Variants in ARHGEF3 observed in about 807,000 individuals in gnomAD.
ARHGEF3 encodes the protein 59.8 kDA protein.
In ARHGEF3, 28 loss-of-function variants were observed where a neutral mutation model predicts 63.2. The ratio of observed to expected loss-of-function variants is 0.44; its 90% CI spans 0.33 to 0.61. The LOEUF (loss-of-function observed/expected upper bound fraction) is 0.61, where lower values mean the gene tolerates loss of function less well. ARHGEF3 is among the 20% of genes least tolerant of loss of function. ARHGEF3 has a pLI of 0.03. For missense variants in ARHGEF3, 533 were observed against 659.3 expected (o/e 0.81, Z 2.10); for synonymous variants, 266 against 254.2 (o/e 1.05, Z -0.44).
intron 1 of ARHGEF3, among the ~76,000 whole-genome samples, chr3:56,798,483 C>G (rs1233935727): frequency 2.6e-5 from 4 of 151,414 alleles, no homozygotes; most frequent in Admixed American, 6.6e-5. Context: ...AAGGCTCTAG[C>G]TTCCTTAGCC....
At chr3:56,804,356 T>G (rs1046296752), upstream of ARHGEF3, among the ~76,000 whole-genome samples, 1 of 152,220 alleles carries the variant, frequency 6.6e-6, no homozygotes, top group Non-Finnish European at 1.5e-5. Flanking sequence ...CAGTCCCTGT[T>G]TGCGTGCTCT....
chr3:56,775,676 T>C (rs2036249176), intron 1 of ARHGEF3: 2 of 985,718 alleles, frequency 2.0e-6, no homozygotes, highest in Admixed American at 1.2e-4. Context: ...ACAATGCCCT[T>C]CAGGATGCTC....
intron 1 of ARHGEF3, among the ~76,000 whole-genome samples, chr3:57,062,063 G>T (rs1705250221): frequency 6.6e-6 from 1 of 152,120 alleles, no homozygotes; most frequent in Non-Finnish European, 1.5e-5. Context: ...GTGGGGCAGG[G>T]ATGCTCCACT....
chr3:56,987,167 G>A (rs1434049230), intron 2 of ARHGEF3, among the ~76,000 whole-genome samples: 3 of 152,172 alleles, frequency 2.0e-5, no homozygotes, highest in Non-Finnish European at 2.9e-5. Flanking sequence ...AGCTGTGATC[G>A]TCCCACTATA....
chr3:57,017,032 T>TCTCTCTCA (rs1221332567), intron 2 of ARHGEF3, among the ~76,000 whole-genome samples: 78 of 104,382 alleles, frequency 7.5e-4, no homozygotes, highest in East Asian at 7.2e-3. Flanking sequence ...TCTCTCTCTC[T>TCTCTCTCA]CACACACACA....
chr3:57,065,534 G>A (rs1005458181), intron 1 of ARHGEF3, among the ~76,000 whole-genome samples: 1 of 152,174 alleles, frequency 6.6e-6, no homozygotes, highest in Non-Finnish European at 1.5e-5. Flanking sequence ...GGAACTAGTG[G>A]TGATATCTGC....
chr3:57,067,795 C>T (rs1273070128), intron 1 of ARHGEF3, among the ~76,000 whole-genome samples: 2 of 149,212 alleles, frequency 1.3e-5, no homozygotes, highest in African/African-American at 2.5e-5. Context: ...TTGGCTAACA[C>T]GGTGAAACCC....
At chr3:56,819,493 A>G (rs2038389803) in intron 4 of ARHGEF3, among the ~76,000 whole-genome samples, 1 of 149,112 alleles carries the variant, frequency 6.7e-6, no homozygotes, top group Admixed American at 6.7e-5. Context: ...TTAATTAACC[A>G]TGTTCTACCA....
intron 1 of ARHGEF3, among the ~76,000 whole-genome samples, chr3:57,070,110 A>G (rs1212141501): frequency 6.6e-6 from 1 of 152,228 alleles, no homozygotes; most frequent in African/African-American, 2.4e-5. Context: ...AACAAGATAA[A>G]ATGGAGCCTG....
intron 3 of ARHGEF3, among the ~76,000 whole-genome samples, chr3:56,951,131 C>T (rs550081945): frequency 7.3e-5 from 11 of 149,960 alleles, no homozygotes; most frequent in Middle Eastern, 6.8e-3. Context: ...GCCTGTTGTG[C>T]GGTGGGGGGA....
intron 8 of ARHGEF3, among the ~76,000 whole-genome samples, chr3:56,733,370 G>A (rs533770959): frequency 1.5e-5 from 2 of 134,476 alleles, no homozygotes; most frequent in Non-Finnish European, 3.1e-5. Context: ...CAGCTACTCA[G>A]GAGGCTGAGG....
At chr3:56,874,166 G>A (rs181939781) in intron 4 of ARHGEF3, among the ~76,000 whole-genome samples, 1 of 152,252 alleles carries the variant, frequency 6.6e-6, no homozygotes, top group East Asian at 1.9e-4. Flanking sequence ...ACAACCATTG[G>A]ACCAAACATA....
chr3:57,072,910 G>C (rs182426909), intron 1 of ARHGEF3, among the ~76,000 whole-genome samples: 1 of 152,088 alleles, frequency 6.6e-6, no homozygotes, highest in Admixed American at 6.5e-5. Flanking sequence ...GCAAGGCGCA[G>C]TGGCAGGCGC....
At chr3:56,742,664 T>C (rs572108899) in intron 7 of ARHGEF3, among the ~76,000 whole-genome samples, 2 of 151,976 alleles carry the variant, frequency 1.3e-5, no homozygotes, top group South Asian at 4.2e-4. Flanking sequence ...GAGGATTCTG[T>C]AAAGGGAAAA....
At chr3:57,067,449 T>A (rs1197119115) in intron 1 of ARHGEF3, among the ~76,000 whole-genome samples, 1 of 98,202 alleles carries the variant, frequency 1.0e-5, no homozygotes, top group Non-Finnish European at 2.0e-5. Context: ...CAAGACTCTG[T>A]CTCAAAATAA....
At chr3:56,736,726 A>G (rs896365477) in intron 8 of ARHGEF3, among the ~76,000 whole-genome samples, 17 of 152,232 alleles carry the variant, frequency 1.1e-4, no homozygotes, top group Admixed American at 3.3e-4. Flanking sequence ...ATTACAAAAT[A>G]TGAATGAATA....
chr3:56,839,526 G>A (rs1041206270), intron 4 of ARHGEF3, among the ~76,000 whole-genome samples: 1 of 152,022 alleles, frequency 6.6e-6, no homozygotes, highest in Non-Finnish European at 1.5e-5. Flanking sequence ...TAACATCAGG[G>A]GAAGCTGGGA....
intron 3 of ARHGEF3, among the ~76,000 whole-genome samples, chr3:56,897,968 C>T (rs912966354): frequency 6.6e-6 from 1 of 151,872 alleles, no homozygotes; most frequent in African/African-American, 2.4e-5. Context: ...GAAGCCTTGA[C>T]CTCTGGGTCC....
intron 7 of ARHGEF3, 59 bp from the exon 8 acceptor site, chr3:56,737,414 G>A: frequency 7.0e-7 from 1 of 1,433,248 alleles, no homozygotes; most frequent in South Asian, 1.3e-5. Context: ...TTCACACCAA[G>A]TCTTAGGGGC....
Sources: gnomAD v4.1 joint callset for allele counts (sites outside exome capture counted in the v4.1 genomes callset) on GRCh38, gnomAD v4.1.1 for gene constraint, MANE v1.5 for transcripts, NCBI Gene and HGNC (gene_info 2026-07-23, HGNC 2026-07-21) for gene names.